Variants in PEX16 observed in about 807,000 individuals in gnomAD.
PEX16 encodes peroxin 16.
A neutral mutation model predicts 50.5 loss-of-function variants in PEX16; 37 were observed. The ratio of observed to expected loss-of-function variants is 0.73; its 90% confidence interval spans 0.56 to 0.96. The LOEUF (loss-of-function observed/expected upper bound fraction) is 0.96. Among genes scored for constraint, PEX16 ranks in the 40% least tolerant of loss-of-function variants. The pLI is 0.00. For missense variants in PEX16, 401 were observed against 438.3 expected (o/e 0.91, Z 0.76); for synonymous variants, 185 against 190.3 (o/e 0.97, Z 0.23).
At chr11:45,915,008 C>A (rs1432511969) in intron 5 of PEX16, among the ~76,000 whole-genome samples, 2 of 152,256 alleles carry the variant, frequency 1.3e-5, no homozygotes, top group Admixed American at 1.3e-4. Flanking sequence ...ACCAGAGGGG[C>A]CGTCTCCTCT....
rs948550730 is a variant in PEX16 at position 45,917,124 on chromosome 11, A to T, written c.148+334T>A. ...TGGGACCATCAGTGACTGTTCTCTA[A>T]CCTCACTGAGCTTCTTCCTTAAATG... On this transcript the variant is annotated intron_variant, in intron 2 of 10. Coordinates refer to ENST00000378750, the MANE Select transcript of PEX16 (RefSeq NM_004813.4). 5.6e-5 allele frequency: 35 copies of T among 621,522 alleles called. No homozygotes were observed. The Admixed American group carries it at 7.0e-4, about 12-fold the overall frequency. 38.5% of individuals were successfully genotyped at this position (621,522 alleles called of 1,614,324 possible). A position where few individuals can be genotyped will look rare whatever the true frequency, so the allele number is the denominator to read the frequency against.
At chr11:45,911,125 G>C (rs746174199) in intron 9 of PEX16, among the ~76,000 whole-genome samples, 163 bp from the exon 10 acceptor site, 11 of 152,232 alleles carry the variant, frequency 7.2e-5, no homozygotes, top group Non-Finnish European at 1.2e-4. Flanking sequence ...GTACACAAGG[G>C]CAAGACCTCT....
chr11:45,917,508 CAGA>C lies in PEX16; in HGVS notation c.113-18_113-16del. ...GGCGAATCGACCTGGGGAGAGGGTA[CAGA>C]AGGAGGTGTGAGTGAGCATCTGCCT... On this transcript the variant is annotated splice_polypyrimidine_tract_variant and intron_variant, in intron 1 of 10. Coordinates refer to ENST00000378750, the MANE Select transcript of PEX16 (RefSeq NM_004813.4). The C allele has an allele frequency of 2.5e-6, 4 of 1,613,942 alleles. No homozygotes were observed. Among genetic ancestry groups the C allele is most frequent in the South Asian group, 1.1e-5 (1 of 91,088 alleles).
intron 9 of PEX16, among the ~76,000 whole-genome samples, chr11:45,911,216 T>C (rs139170033): frequency 3.3e-5 from 5 of 152,204 alleles, no homozygotes; most frequent in African/African-American, 9.6e-5. Flanking sequence ...CCATTCCTCT[T>C]TCCCCTTCCA....
chr11:45,917,036 T>C (rs1303753114), intron 2 of PEX16: 1 of 489,056 alleles, frequency 2.0e-6, no homozygotes, highest in Admixed American at 2.3e-5. Context: ...GGGCAAACAC[T>C]CTTGAGGTAG....
chr11:45,918,047 C>T (rs1193810309), upstream of PEX16: 2 of 594,270 alleles, frequency 3.4e-6, no homozygotes, highest in Non-Finnish European at 3.0e-6. Context: ...GCCCCCTACT[C>T]CCTCAAGTCA....
At position 45,917,719 on chromosome 11, in the gene PEX16, GC is replaced by G; in HGVS notation, c.92del (p.Gly31AlafsTer53). On this transcript the variant is annotated frameshift_variant, in exon 1 of 11. Transcript: ENST00000378750. LOFTEE classifies it high-confidence loss of function. ...TGGCACCTGCCAGCAGGTAACTGAAGCCCCGCACTGCTGTCTCCAGCTGGGC... is the reference window on the plus strand; with the variant it reads ...TGGCACCTGCCAGCAGGTAACTGAAGCCCGCACTGCTGTCTCCAGCTGGGC... ...ATAQLETAVR[G>X]FSYLLAGRFA... 6.4e-7 allele frequency: 1 copy of G among 1,560,022 alleles called. No homozygotes were observed. Among genetic ancestry groups the G allele is most frequent in the Non-Finnish European group, 8.7e-7 (1 of 1,151,862 alleles).
intron 9 of PEX16, among the ~76,000 whole-genome samples, chr11:45,912,342 C>A (rs954484058): frequency 2.0e-5 from 3 of 151,034 alleles, no homozygotes; most frequent in Admixed American, 6.6e-5. Context: ...ACTAAAAAAT[C>A]AAAAAAAATT....
At chr11:45,911,411 A>T (rs546341563) in intron 9 of PEX16, among the ~76,000 whole-genome samples, 2 of 152,354 alleles carry the variant, frequency 1.3e-5, no homozygotes, top group Admixed American at 6.5e-5. Context: ...TTGGTAGGGG[A>T]CACAGTACTG....
At chr11:45,913,687 G>T in intron 9 of PEX16, 132 bp downstream of exon 9, 1 of 1,048,430 alleles carries the variant, frequency 9.5e-7, no homozygotes, top group Non-Finnish European at 1.4e-6. Context: ...TCTGGTGACT[G>T]CCACCCGGAC....
chr11:45,916,191 C>G lies in PEX16; in HGVS notation c.225+36G>C, dbSNP rs751615971. 27 of 1,497,232 alleles carry G rather than the reference C, an allele frequency of 1.8e-5. No individual in the cohort carries two copies. The Admixed American group carries it at 4.5e-4, about 25-fold the overall frequency. 92.7% of individuals were successfully genotyped at this position (1,497,232 alleles called of 1,614,324 possible). On this transcript the variant is annotated intron_variant, in intron 3 of 10. Transcript: ENST00000378750. ...CTGCTACTATTTCATTCCTGAGTCC[C>G]CATGCTTCCCACCCTGTTCTTGGCA...
Position 45,914,346 on chromosome 11 carries a change from ACT to A in PEX16, c.662_663del (p.Glu221ValfsTer41). 1 of 1,611,668 alleles carries A rather than the reference ACT, an allele frequency of 6.2e-7. No homozygotes were observed. The highest frequency in any genetic ancestry group is 1.3e-5 in the African/African-American group (1 of 74,810). ...TPLGLQETIA[E>X]FLYIARPLLH... ...AGCAGCGGCCGGGCAATGTACAAAA[ACT>A]CTGCGATGGTCTCCTGCAGCCCCAG... On this transcript the variant is annotated frameshift_variant, in exon 7 of 11. Coordinates refer to ENST00000378750, the MANE Select transcript of PEX16 (RefSeq NM_004813.4). LOFTEE classifies it high-confidence loss of function.
rs1480680565 is a variant in PEX16 at position 45,914,384 on chromosome 11, G to A, written c.626C>T (p.Thr209Ile). The A allele has an allele frequency of 6.2e-7, 1 of 1,610,344 alleles. No homozygotes were observed. Among genetic ancestry groups the A allele is most frequent in the South Asian group, 1.1e-5 (1 of 91,092 alleles). Residue 209 changes from threonine to isoleucine, a missense_variant, in exon 7 of 11, where the codon ACC (threonine) becomes ATC (isoleucine). Transcript: ENST00000378750. ...CTCCTGCAGCCCCAGGGGGGTGGGG[G>A]TCGCACTCAGCTCCTCGTGATGCTG... ...QQQHHEELSA[T>I]PTPLGLQETI...
rs958048382 is a variant in PEX16, at chr11:45,913,042, C to T, written c.887+777G>A. Among the ~76,000 whole-genome samples the T allele has an allele frequency of 2.6e-5, 4 of 151,744 alleles. No individual in the cohort carries two copies. In the East Asian group the frequency reaches 7.8e-4, roughly 29 times the overall value. On this transcript the variant is annotated intron_variant, in intron 9 of 10. Transcript: ENST00000378750. ...AGAATTGGGTTGCCCAGGCTGGTCT[C>T]GAACTCCTGGCCTCAAGCCAACCTC...
Position 45,915,473 on chromosome 11 carries a change from G to A in PEX16, c.455C>T (p.Pro152Leu), listed in dbSNP as rs759815163. The A allele has an allele frequency of 6.2e-7, 1 of 1,613,392 alleles. No homozygotes were observed. The highest frequency in any genetic ancestry group is 1.1e-5 in the South Asian group (1 of 91,060). Residue 152 changes from proline to leucine, a missense_variant, in exon 5 of 11, where the codon CCC becomes CTC. Coordinates refer to ENST00000378750, the MANE Select transcript of PEX16 (RefSeq NM_004813.4). The part of the protein sequence containing the change: ...VPLDRETQAQ[P>L]PDGDHSPGNH... ...GGCTTGGGGAAGTAGCTCACCCGGG[G>A]GCTGTGCCTGGGTCTCTCTGTCCAG...
intron 9 of PEX16, 38 bp from the exon 10 acceptor site, chr11:45,911,000 G>T: frequency 2.7e-6 from 4 of 1,469,308 alleles, no homozygotes; most frequent in East Asian, 2.3e-5. Flanking sequence ...GCTGAGTGGG[G>T]TGGGGGTGGG....
chr11:45,910,635 G>A (rs904401821), intron 10 of PEX16, among the ~76,000 whole-genome samples: 3 of 152,148 alleles, frequency 2.0e-5, no homozygotes, highest in African/African-American at 4.8e-5. Context: ...AGATGGTCCC[G>A]TATCGCTCCA....
upstream of PEX16, chr11:45,917,912 C>G: frequency 1.2e-6 from 1 of 864,314 alleles, no homozygotes; most frequent in South Asian, 1.4e-5. Context: ...AGGCCCGCCT[C>G]TTGGTTGCTT....
rs147332976 is a variant in PEX16 at position 45,914,646 on chromosome 11, C to T, written c.499G>A (p.Val167Met). 3.9e-5 allele frequency: 63 copies of T among 1,614,098 alleles called. No homozygotes were observed. The East Asian group carries it at 4.7e-4, about 12-fold the overall frequency. Reference sequence around the variant, plus strand: ...ACCACCCGGTTTGACCGCTTCCCCACGTAGGACTGCTCATGGTTGCCAGGG... The same window carrying T: ...ACCACCCGGTTTGACCGCTTCCCCATGTAGGACTGCTCATGGTTGCCAGGG... The part of the protein sequence containing the change: ...HSPGNHEQSY[V>M]GKRSNRVVRT... Residue 167 changes from valine to methionine, a missense_variant, in exon 6 of 11, where the codon GTG becomes ATG. Coordinates refer to ENST00000378750, the MANE Select transcript of PEX16 (RefSeq NM_004813.4).
Sources: allele counts gnomAD v4.1 joint callset (sites outside exome capture counted in the v4.1 genomes callset), GRCh38; gene constraint gnomAD v4.1.1; transcripts MANE v1.5; gene names NCBI Gene and HGNC (gene_info 2026-07-23, HGNC 2026-07-21).